Variants in NRG3 observed in about 807,000 individuals in gnomAD.
NRG3 encodes pro-neuregulin-3, membrane-bound isoform.
NRG3 carries 31 observed loss-of-function variants against 66.9 expected under a neutral mutation model. That is an observed-to-expected ratio of 0.46 (90% CI 0.35 to 0.63). The LOEUF is 0.63. Ranked by LOEUF, NRG3 falls within the 20% of genes least tolerant of loss-of-function variation. The pLI, the probability that NRG3 is intolerant of heterozygous loss-of-function variation, is 0.00. For missense variants in NRG3, 910 were observed against 878.9 expected (o/e 1.04, Z -0.45); for synonymous variants, 393 against 359.4 (o/e 1.09, Z -1.06).
intron 1 of NRG3, among the ~76,000 whole-genome samples, chr10:82,149,432 T>C (rs2070526027): frequency 6.6e-6 from 1 of 152,200 alleles, no homozygotes; most frequent in South Asian, 2.1e-4. Flanking sequence ...TTAATTGCTT[T>C]GCAACATTTC....
At chr10:82,021,237 C>A (rs879688978) in intron 1 of NRG3, among the ~76,000 whole-genome samples, 5 of 152,038 alleles carry the variant, frequency 3.3e-5, no homozygotes, top group Admixed American at 6.6e-5. Context: ...TGTTGATGAG[C>A]TCTTACAGCA....
At chr10:82,455,702 C>A (rs1036239540) in intron 2 of NRG3, among the ~76,000 whole-genome samples, 93 of 151,836 alleles carry the variant, frequency 6.1e-4, no homozygotes, top group African/African-American at 2.0e-3. Context: ...GCAAGCTCCG[C>A]CTCCCGGGTT....
chr10:82,393,346 A>G (rs1463696201), intron 2 of NRG3, among the ~76,000 whole-genome samples: 4 of 152,154 alleles, frequency 2.6e-5, no homozygotes, highest in South Asian at 4.1e-4. Flanking sequence ...AGACAGGTGC[A>G]TCCGTAATTT....
chr10:82,120,513 G>T (rs910066819), intron 1 of NRG3, among the ~76,000 whole-genome samples: 1 of 152,112 alleles, frequency 6.6e-6, no homozygotes, highest in African/African-American at 2.4e-5. Context: ...AGGATAAGAT[G>T]CATGATACCT....
In NRG3 at chr10:82,114,780, T is replaced by C. The variant is rs2067601057; in HGVS notation, c.823+238617T>C. On this transcript the variant is annotated intron_variant, in intron 1 of 8. Coordinates refer to ENST00000372141, the MANE Select transcript of NRG3 (RefSeq NM_001010848.4). ...ATTAAATTTCCCCTGGAAACTGTTCTTTCATGATGTGTTTTTGGAATATTG... is the reference window on the plus strand; with the variant it reads ...ATTAAATTTCCCCTGGAAACTGTTCCTTCATGATGTGTTTTTGGAATATTG... 1.3e-5 allele frequency among the ~76,000 whole-genome samples: 2 copies of C among 152,176 alleles called. 1 individual carries two copies. The highest frequency in any genetic ancestry group is 4.1e-4 in the South Asian group (2 of 4,834).
intron 1 of NRG3, among the ~76,000 whole-genome samples, chr10:82,259,957 T>C (rs547750794): frequency 6.6e-6 from 1 of 151,830 alleles, no homozygotes; most frequent in East Asian, 1.9e-4. Flanking sequence ...ACAAAACTGA[T>C]AAACAAATAA....
chr10:82,946,905 C>A (rs961945227), intron 4 of NRG3, among the ~76,000 whole-genome samples: 10 of 152,050 alleles, frequency 6.6e-5, no homozygotes, highest in African/African-American at 2.4e-4. Flanking sequence ...TCGACATATT[C>A]TTTGCATATT....
At chr10:82,393,851 C>G (rs2086546323) in intron 2 of NRG3, among the ~76,000 whole-genome samples, 1 of 152,224 alleles carries the variant, frequency 6.6e-6, no homozygotes, top group Non-Finnish European at 1.5e-5. Flanking sequence ...CTGCTGGTAC[C>G]TGTGCACTCT....
At chr10:82,710,710 TA>T in intron 2 of NRG3, among the ~76,000 whole-genome samples, 1 of 151,934 alleles carries the variant, frequency 6.6e-6, no homozygotes, top group Admixed American at 6.6e-5. Flanking sequence ...ATTTTTATTT[TA>T]TTTTATTTTA....
At position 82,837,205 on chromosome 10, in the gene NRG3, G is replaced by C. The variant is rs112556704; in HGVS notation, c.1028-28206G>C. Among the ~76,000 whole-genome samples, 44 of 152,196 alleles carry C rather than the reference G, an allele frequency of 2.9e-4. 1 individual carries two copies. The highest frequency in any genetic ancestry group is 1.1e-3 in the African/African-American group (44 of 41,518). ...GTGAATAGTGCCTCAATAAACATAC[G>C]TGTGCATGTGTCTTTATAGCAGCAT... On this transcript the variant is annotated intron_variant, in intron 3 of 8. Coordinates refer to ENST00000372141, the MANE Select transcript of NRG3 (RefSeq NM_001010848.4).
intron 1 of NRG3, among the ~76,000 whole-genome samples, chr10:82,317,526 T>C (rs986937577): frequency 6.6e-6 from 1 of 152,216 alleles, no homozygotes; most frequent in Non-Finnish European, 1.5e-5. Context: ...TTTCAGTCTG[T>C]GCTGCTGCTC....
intron 2 of NRG3, among the ~76,000 whole-genome samples, chr10:82,557,620 C>T (rs1432666725): frequency 1.3e-5 from 2 of 152,108 alleles, no homozygotes; most frequent in African/African-American, 4.8e-5. Context: ...TGTGCAGAAG[C>T]TCTTAAGTTA....
chr10:82,018,532 G>A (rs1356123634), intron 1 of NRG3, among the ~76,000 whole-genome samples: 5 of 152,122 alleles, frequency 3.3e-5, no homozygotes, highest in Middle Eastern at 3.2e-3. Context: ...GGGCAGCATG[G>A]CCATTTTCAT....
intron 2 of NRG3, among the ~76,000 whole-genome samples, chr10:82,695,437 T>C (rs1352526909): frequency 6.6e-6 from 1 of 152,090 alleles, no homozygotes; most frequent in African/African-American, 2.4e-5. Context: ...AGGATCGCAG[T>C]TTAATATACG....
At chr10:82,198,006 T>C (rs1221099884) in intron 1 of NRG3, among the ~76,000 whole-genome samples, 1 of 152,192 alleles carries the variant, frequency 6.6e-6, no homozygotes, top group Non-Finnish European at 1.5e-5. Flanking sequence ...TAATCACAAA[T>C]TTGTAAAGCA....
At chr10:82,342,433 G>GT (rs1259987890) in intron 1 of NRG3, among the ~76,000 whole-genome samples, 2 of 151,888 alleles carry the variant, frequency 1.3e-5, no homozygotes, top group African/African-American at 4.8e-5. Flanking sequence ...AATATCTGTT[G>GT]TTTTTTGACT....
At chr10:81,959,092 A>T (rs762059939) in intron 1 of NRG3, among the ~76,000 whole-genome samples, 6 of 152,168 alleles carry the variant, frequency 3.9e-5, no homozygotes, top group Non-Finnish European at 7.3e-5. Flanking sequence ...CACACAATAT[A>T]TATGTATAAA....
rs570655801 is a variant in NRG3 at position 82,620,378 on chromosome 10, A to T, written c.954-118199A>T. Among the ~76,000 whole-genome samples the T allele has an allele frequency of 2.8e-3, 428 of 152,276 alleles. 2 individuals carry two copies. Among genetic ancestry groups the T allele is most frequent in the African/African-American group, 0.01 (418 of 41,564 alleles). On this transcript the variant is annotated intron_variant, in intron 2 of 8. Transcript: ENST00000372141. ...ATAATGGAGGTAGATAATTTTATTC[A>T]GCGAAGGAAATGGCTCTCGGCAGAG...
chr10:82,686,475 A>G (rs1455938631), intron 2 of NRG3, among the ~76,000 whole-genome samples: 2 of 152,168 alleles, frequency 1.3e-5, no homozygotes, highest in African/African-American at 4.8e-5. Context: ...GGCACGAGCC[A>G]CCGCGCCCTG....
Sources: allele counts gnomAD v4.1 joint callset (sites outside exome capture counted in the v4.1 genomes callset), GRCh38; gene constraint gnomAD v4.1.1; transcripts MANE v1.5; gene names NCBI Gene and HGNC (gene_info 2026-07-23, HGNC 2026-07-21).